MTUS2: variants seen among roughly 807,000 people sequenced by gnomAD.
MTUS2 encodes the protein microtubule associated scaffold protein 2.
A neutral mutation model predicts 114.1 loss-of-function variants in MTUS2; 40 were observed. The observed-to-expected ratio is 0.35, with a 90% CI of 0.27 to 0.46. MTUS2 has a LOEUF of 0.46. Among genes scored for constraint, MTUS2 ranks in the 20% least tolerant of loss-of-function variants. MTUS2 has a pLI of 1.00. For missense variants in MTUS2, 1,679 were observed against 1,705.4 expected (o/e 0.98, Z 0.27); for synonymous variants, 688 against 672.0 (o/e 1.02, Z -0.37).
At chr13:29,471,674 C>T (rs1007435838) in intron 9 of MTUS2, among the ~76,000 whole-genome samples, 1 of 151,350 alleles carries the variant, frequency 6.6e-6, no homozygotes, top group Non-Finnish European at 1.5e-5. Flanking sequence ...ATCATGGAGG[C>T]CCCCACTGGA....
chr13:29,197,202 A>G (rs1163672518), intron 5 of MTUS2, among the ~76,000 whole-genome samples: 1 of 152,096 alleles, frequency 6.6e-6, no homozygotes, highest in Non-Finnish European at 1.5e-5. Flanking sequence ...TATTTGTCCT[A>G]ATGATATCCC....
chr13:29,369,346 C>T (rs747330422), intron 8 of MTUS2, among the ~76,000 whole-genome samples: 3 of 152,048 alleles, frequency 2.0e-5, no homozygotes, highest in Non-Finnish European at 2.9e-5. Context: ...AATCTGTGCC[C>T]GGAGAAAAGA....
chr13:29,289,514 G>A (rs900418393), intron 6 of MTUS2, among the ~76,000 whole-genome samples: 3 of 149,196 alleles, frequency 2.0e-5, no homozygotes, highest in Middle Eastern at 3.7e-3. Flanking sequence ...CCAGGCTGGA[G>A]TGCAGTGGTG....
At chr13:28,975,051 A>G (rs1371630523) in intron 2 of MTUS2, among the ~76,000 whole-genome samples, 1 of 152,242 alleles carries the variant, frequency 6.6e-6, no homozygotes, top group East Asian at 1.9e-4. Flanking sequence ...ATGAAGTTCC[A>G]TATGGGTATT....
chr13:28,936,526 G>T (rs1211820473), intron 2 of MTUS2, among the ~76,000 whole-genome samples: 1 of 152,090 alleles, frequency 6.6e-6, no homozygotes, highest in Non-Finnish European at 1.5e-5. Flanking sequence ...CTCGTTGGAT[G>T]GGACTGAGTG....
chr13:29,227,066 T>A (rs1283773556), intron 5 of MTUS2, among the ~76,000 whole-genome samples: 1 of 152,128 alleles, frequency 6.6e-6, no homozygotes, highest in Non-Finnish European at 1.5e-5. Context: ...GAGACCAGCC[T>A]GCCCAACATG....
At chr13:28,908,746 T>C in intron 2 of MTUS2, among the ~76,000 whole-genome samples, 1 of 151,704 alleles carries the variant, frequency 6.6e-6, no homozygotes, top group South Asian at 2.1e-4. Flanking sequence ...GAATTCGTTT[T>C]AGACATGAGT....
At chr13:29,155,109 CT>C (rs1892805196) in intron 5 of MTUS2, among the ~76,000 whole-genome samples, 2 of 152,126 alleles carry the variant, frequency 1.3e-5, no homozygotes, top group Admixed American at 6.5e-5. Context: ...AGGATGAATT[CT>C]CATGGTTAGG....
At chr13:29,234,304 A>G (rs1457033055) in intron 5 of MTUS2, among the ~76,000 whole-genome samples, 1 of 152,166 alleles carries the variant, frequency 6.6e-6, no homozygotes, top group Non-Finnish European at 1.5e-5. Context: ...ATGCCTGAGG[A>G]TTCCACCGAA....
chr13:29,069,236 A>T (rs1166859930), intron 4 of MTUS2, among the ~76,000 whole-genome samples: 1 of 152,346 alleles, frequency 6.6e-6, no homozygotes, highest in African/African-American at 2.4e-5. Flanking sequence ...GCTGTCTGCA[A>T]GGTGGAGACC....
chr13:29,068,019 A>G (rs141063570), intron 4 of MTUS2, among the ~76,000 whole-genome samples: 1 of 152,348 alleles, frequency 6.6e-6, no homozygotes, highest in Non-Finnish European at 1.5e-5. Flanking sequence ...TTTTACAACT[A>G]TACTTTCTAC....
At chr13:29,164,260 C>T (rs1287162838) in intron 5 of MTUS2, among the ~76,000 whole-genome samples, 1 of 152,236 alleles carries the variant, frequency 6.6e-6, no homozygotes, top group Non-Finnish European at 1.5e-5. Flanking sequence ...CCTTCTCGCT[C>T]TGCCTTTCCA....
chr13:28,832,735 C>A (rs1241293277), intron 1 of MTUS2, among the ~76,000 whole-genome samples: 2 of 143,274 alleles, frequency 1.4e-5, no homozygotes, highest in East Asian at 2.0e-4. Context: ...ATAGTAAGGA[C>A]TAGAACAGAA....
chr13:29,310,922 G>A lies in MTUS2; in HGVS notation c.2807-13691G>A, dbSNP rs1480817256. Among the ~76,000 whole-genome samples the A allele has an allele frequency of 2.0e-5, 3 of 152,192 alleles. No homozygotes were observed. In the East Asian group the frequency reaches 5.8e-4, roughly 29 times the overall value. On this transcript the variant is annotated intron_variant, in intron 6 of 15. Coordinates refer to ENST00000612955, the MANE Select transcript of MTUS2 (RefSeq NM_001033602.4). ...CATGTGTATCTAGAGACATGGACAA[G>A]CCTGTTCAAAGCAGCATTGTTCATA...
At chr13:29,010,127 C>T (rs1354207735) in intron 2 of MTUS2, among the ~76,000 whole-genome samples, 2 of 150,946 alleles carry the variant, frequency 1.3e-5, no homozygotes, top group Non-Finnish European at 2.9e-5. Context: ...AGGAGAATCG[C>T]TGGAACCCAG....
At chr13:29,445,145 T>C (rs1421571380) in intron 9 of MTUS2, among the ~76,000 whole-genome samples, 1 of 152,200 alleles carries the variant, frequency 6.6e-6, no homozygotes, top group Non-Finnish European at 1.5e-5. Flanking sequence ...GAAGATAATC[T>C]CCAATAGTTT....
intron 8 of MTUS2, among the ~76,000 whole-genome samples, chr13:29,395,859 G>A (rs777265705): frequency 3.3e-5 from 5 of 152,154 alleles, no homozygotes; most frequent in Non-Finnish European, 5.9e-5. Context: ...GTCTTTTTAC[G>A]AAACTGGTAC....
At chr13:29,189,271 A>G (rs901499482) in intron 5 of MTUS2, among the ~76,000 whole-genome samples, 1 of 152,266 alleles carries the variant, frequency 6.6e-6, no homozygotes, top group African/African-American at 2.4e-5. Flanking sequence ...GTGAACTTTT[A>G]GAAAGTATCT....
intron 2 of MTUS2, among the ~76,000 whole-genome samples, chr13:28,979,833 A>G (rs1884277547): frequency 6.6e-6 from 1 of 152,210 alleles, no homozygotes; most frequent in Non-Finnish European, 1.5e-5. Context: ...TTTAATGTAC[A>G]CATTGAAATG....
Sources: allele counts gnomAD v4.1 joint callset (sites outside exome capture counted in the v4.1 genomes callset), GRCh38; gene constraint gnomAD v4.1.1; transcripts MANE v1.5; gene names NCBI Gene and HGNC (gene_info 2026-07-23, HGNC 2026-07-21).